The following TLL1 variants were observed in gnomAD, a reference collection of about 807,000 sequenced individuals.
The protein encoded by TLL1 is tolloid like 1.
In TLL1, 49 loss-of-function variants were observed where a neutral mutation model predicts 128.2. That is an observed-to-expected ratio of 0.38 (90% CI 0.30 to 0.48). The LOEUF (loss-of-function observed/expected upper bound fraction) is 0.48, where lower values mean the gene tolerates loss of function less well. Ranked by LOEUF, TLL1 falls within the 20% of genes least tolerant of loss-of-function variation. The pLI is 0.96. For missense variants in TLL1, 1,123 were observed against 1,242.0 expected (o/e 0.90, Z 1.44); for synonymous variants, 454 against 418.8 (o/e 1.08, Z -1.03).
chr4:166,005,836 G>A (rs2111037899), intron 6 of TLL1, among the ~76,000 whole-genome samples: 1 of 151,942 alleles, frequency 6.6e-6, no homozygotes, highest in East Asian at 1.9e-4. Flanking sequence ...ATATAAATAT[G>A]TACCTGAAAC....
intron 15 of TLL1, among the ~76,000 whole-genome samples, chr4:166,063,225 C>A (rs574812013): frequency 8.4e-4 from 127 of 151,926 alleles, no homozygotes; most frequent in Non-Finnish European, 1.5e-3. Flanking sequence ...ATGCAGCCAA[C>A]AGACACATGA....
At chr4:166,078,613 TTGCATTC>T (rs1156693213) in intron 18 of TLL1, among the ~76,000 whole-genome samples, 2 of 152,222 alleles carry the variant, frequency 1.3e-5, no homozygotes, top group Non-Finnish European at 2.9e-5. Flanking sequence ...CCTGCATTCT[TTGCATTC>T]TGCATTCTGG....
intron 1 of TLL1, among the ~76,000 whole-genome samples, chr4:165,899,734 A>G (rs2110849271): frequency 6.6e-6 from 1 of 152,304 alleles, no homozygotes; most frequent in East Asian, 1.9e-4. Flanking sequence ...GATGTCTATC[A>G]GGTCCACTTG....
chr4:165,973,569 A>AG (rs1236111525), intron 1 of TLL1, among the ~76,000 whole-genome samples: 1 of 151,868 alleles, frequency 6.6e-6, no homozygotes. Flanking sequence ...GTGGCTGGAA[A>AG]GGGGAGGTAA....
intron 6 of TLL1, among the ~76,000 whole-genome samples, chr4:166,004,337 TACAA>T (rs1737311823): frequency 6.6e-6 from 1 of 152,182 alleles, no homozygotes; most frequent in Non-Finnish European, 1.5e-5. Flanking sequence ...TCAGTTTTGT[TACAA>T]ACATTGAATT....
At chr4:166,002,307 A>T (rs1313118492) in intron 5 of TLL1, among the ~76,000 whole-genome samples, 1 of 152,146 alleles carries the variant, frequency 6.6e-6, no homozygotes, top group Non-Finnish European at 1.5e-5. Flanking sequence ...CTCTGCCTTC[A>T]AATACTATCA....
chr4:165,999,589 T>A (rs1737053618), intron 5 of TLL1, among the ~76,000 whole-genome samples: 1 of 151,936 alleles, frequency 6.6e-6, no homozygotes, highest in Admixed American at 6.6e-5. Context: ...GAGATTTGGG[T>A]TGGGACACAG....
chr4:165,962,602 C>T lies in TLL1; in HGVS notation c.170-26779C>T, dbSNP rs527351386. On this transcript the variant is annotated intron_variant, in intron 1 of 20. Transcript: ENST00000061240. The stretch of plus-strand genomic sequence containing the variant: ...CCCAAAGGAAAATAAATTGATCTAC[C>T]AGATATAAGCATCTGCATGATAATT... Among the ~76,000 whole-genome samples, 38 of 152,116 alleles carry T rather than the reference C, an allele frequency of 2.5e-4. 2 individuals carry two copies. The South Asian group carries it at 7.9e-3, about 32-fold the overall frequency.
chr4:165,961,679 A>G (rs1323399304), intron 1 of TLL1, among the ~76,000 whole-genome samples: 1 of 152,138 alleles, frequency 6.6e-6, no homozygotes, highest in Non-Finnish European at 1.5e-5. Context: ...ACCTACAACC[A>G]TCTGATCTTC....
rs182176107 is a variant in TLL1 at position 166,021,682 on chromosome 4, C to T, written c.1043-3634C>T. On this transcript the variant is annotated intron_variant, in intron 8 of 20. Transcript: ENST00000061240. Reference sequence around the variant, plus strand: ...TCTTGACCTCATGATCCACCCGCCTCGGCCTCGCAAACTGCTGGGATTACA... The same window carrying T: ...TCTTGACCTCATGATCCACCCGCCTTGGCCTCGCAAACTGCTGGGATTACA... 1.0e-3 allele frequency among the ~76,000 whole-genome samples: 156 copies of T among 152,266 alleles called. 1 individual carries two copies. The highest frequency in any genetic ancestry group is 3.9e-3 in the East Asian group (20 of 5,170).
chr4:166,045,962 T>C (rs1025293822), intron 12 of TLL1, among the ~76,000 whole-genome samples: 1 of 152,232 alleles, frequency 6.6e-6, no homozygotes, highest in African/African-American at 2.4e-5. Flanking sequence ...TTTAGTAAAT[T>C]GCACTTCCAA....
chr4:165,937,926 T>C (rs1733840099), intron 1 of TLL1, among the ~76,000 whole-genome samples: 4 of 149,710 alleles, frequency 2.7e-5, no homozygotes, highest in Admixed American at 1.3e-4. Context: ...ATATGCTCCT[T>C]TTATCTAGAT....
At chr4:166,017,409 G>A (rs148037504) in intron 8 of TLL1, among the ~76,000 whole-genome samples, 217 of 152,236 alleles carry the variant, frequency 1.4e-3, no homozygotes, top group Middle Eastern at 3.4e-3. Flanking sequence ...ACCAGTGCAT[G>A]TGTCTTTTCG....
At chr4:166,058,343 A>G in intron 14 of TLL1, among the ~76,000 whole-genome samples, 1 of 152,118 alleles carries the variant, frequency 6.6e-6, no homozygotes, top group East Asian at 1.9e-4. Context: ...TATCTCCCTT[A>G]TTAAAATGAG....
rs556777549 is a variant in TLL1 at position 165,976,903 on chromosome 4, C to T, written c.170-12478C>T. Among the ~76,000 whole-genome samples, 31 of 151,988 alleles carry T rather than the reference C, an allele frequency of 2.0e-4. 1 individual carries two copies. The highest frequency in any genetic ancestry group is 3.3e-4 in the Admixed American group (5 of 15,256). On this transcript the variant is annotated intron_variant, in intron 1 of 20. Transcript: ENST00000061240. ...TCGTATACTTTTTAAAAACATTATG[C>T]GGTTTTTTTGTATTTTTCTTCTCTT...
intron 8 of TLL1, among the ~76,000 whole-genome samples, chr4:166,015,468 T>G (rs1281130387): frequency 1.3e-5 from 2 of 152,056 alleles, no homozygotes; most frequent in African/African-American, 4.8e-5. Flanking sequence ...GAGTTTTACA[T>G]AGATAATTGG....
At chr4:166,081,498 T>C (rs1197149785) in intron 18 of TLL1, among the ~76,000 whole-genome samples, 1 of 152,174 alleles carries the variant, frequency 6.6e-6, no homozygotes, top group African/African-American at 2.4e-5. Context: ...GATCTGTAAG[T>C]GTGTGCAAGC....
intron 1 of TLL1, among the ~76,000 whole-genome samples, chr4:165,975,091 C>T (rs572621858): frequency 4.6e-5 from 7 of 152,266 alleles, no homozygotes; most frequent in Admixed American, 1.3e-4. Flanking sequence ...GAAGGAGCTA[C>T]GCCCTTATAT....
At chr4:165,981,597 G>A (rs917816959) in intron 1 of TLL1, among the ~76,000 whole-genome samples, 1 of 152,112 alleles carries the variant, frequency 6.6e-6, no homozygotes, top group Admixed American at 6.6e-5. Flanking sequence ...GTGATTTGCA[G>A]TTATTTATAA....
Sources: allele counts gnomAD v4.1 joint callset (sites outside exome capture counted in the v4.1 genomes callset), GRCh38; gene constraint gnomAD v4.1.1; transcripts MANE v1.5; gene names NCBI Gene and HGNC (gene_info 2026-07-23, HGNC 2026-07-21).